The following GFM2 variants were observed in gnomAD, a reference collection of about 807,000 sequenced individuals.
The protein encoded by GFM2 is ribosome-releasing factor 2, mitochondrial.
GFM2 carries 72 observed loss-of-function variants against 95.4 expected under a neutral mutation model. That is an observed-to-expected ratio of 0.76 (90% CI 0.62 to 0.92). The LOEUF (loss-of-function observed/expected upper bound fraction) is 0.92, where lower values mean the gene tolerates loss of function less well. Ranked by LOEUF, GFM2 falls within the 40% of genes least tolerant of loss-of-function variation. The pLI is 0.00. For synonymous variants in GFM2, 276 were observed against 317.5 expected (o/e 0.87, Z 1.39); for missense variants, 825 against 924.1 (o/e 0.89, Z 1.39).
intron 5 of GFM2, among the ~76,000 whole-genome samples, chr5:74,754,233 T>C (rs923340106): frequency 1.4e-5 from 2 of 146,186 alleles, no homozygotes; most frequent in African/African-American, 5.1e-5. Flanking sequence ...CTGAAACAAA[T>C]CCTCAAAATA....
chr5:74,740,642 G>A (rs1425831373), intron 11 of GFM2, among the ~76,000 whole-genome samples: 2 of 152,120 alleles, frequency 1.3e-5, no homozygotes, highest in African/African-American at 4.8e-5. Context: ...AGCTATTATT[G>A]GTGGGTCAAT....
chr5:74,746,553 C>T (rs1179153723), intron 8 of GFM2, among the ~76,000 whole-genome samples: 1 of 152,214 alleles, frequency 6.6e-6, no homozygotes, highest in Non-Finnish European at 1.5e-5. Context: ...AGGTTTACTA[C>T]CATACAAGGC....
intron 14 of GFM2, among the ~76,000 whole-genome samples, chr5:74,737,739 G>C (rs538975176): frequency 6.6e-6 from 1 of 152,232 alleles, no homozygotes; most frequent in Admixed American, 6.5e-5. Flanking sequence ...GAAAATATTT[G>C]ATTTAATCCA....
chr5:74,740,658 TTTAGA>T (rs1743065272), intron 11 of GFM2, among the ~76,000 whole-genome samples: 1 of 152,304 alleles, frequency 6.6e-6, no homozygotes, highest in Non-Finnish European at 1.5e-5. Flanking sequence ...TCAATTCTAC[TTTAGA>T]TTGTGAGCTC....
chr5:74,767,056 C>T lies in GFM2; in HGVS notation c.-143G>A, dbSNP rs11556477. On this transcript the variant is annotated 5_prime_UTR_variant, in exon 1 of 21. Coordinates refer to ENST00000296805, the MANE Select transcript of GFM2 (RefSeq NM_032380.5). Reference sequence around the variant, plus strand: ...TCTCGACGCCAGCCTAGGCAAAAGGCAATGTATCTAAACGAAAAGAAAATA... The same window carrying T: ...TCTCGACGCCAGCCTAGGCAAAAGGTAATGTATCTAAACGAAAAGAAAATA... 0.078 allele frequency: 28,962 copies of T among 370,706 alleles called. 1,533 individuals carry two copies. Among genetic ancestry groups the T allele is most frequent in the Admixed American group, 0.16 (4,030 of 24,642 alleles). 23.0% of individuals were successfully genotyped at this position (370,706 alleles called of 1,614,324 possible).
chr5:74,749,032 C>T (rs1393977611), intron 7 of GFM2, among the ~76,000 whole-genome samples: 1 of 150,364 alleles, frequency 6.7e-6, no homozygotes, highest in East Asian at 2.0e-4. Context: ...TTTTTTGAGA[C>T]AGGGTCTCAC....
chr5:74,733,959 A>G (rs1413399798), intron 15 of GFM2, among the ~76,000 whole-genome samples: 2 of 152,186 alleles, frequency 1.3e-5, no homozygotes, highest in Admixed American at 6.5e-5. Flanking sequence ...CAATTAACTG[A>G]TAAGTATACT....
chr5:74,738,902 G>A (rs748448547), intron 12 of GFM2, among the ~76,000 whole-genome samples: 19 of 151,978 alleles, frequency 1.3e-4, no homozygotes, highest in Non-Finnish European at 2.1e-4. Context: ...ATTGCCAAGA[G>A]CTCTCCCCAT....
At chr5:74,723,950 T>C (rs780169741) in intron 19 of GFM2, among the ~76,000 whole-genome samples, 3 of 152,168 alleles carry the variant, frequency 2.0e-5, no homozygotes, top group Non-Finnish European at 2.9e-5. Context: ...TATAATCCTA[T>C]TTGTGTCCTT....
intron 14 of GFM2, 53 bp downstream of exon 14, chr5:74,738,265 T>G: frequency 1.4e-6 from 2 of 1,392,720 alleles, no homozygotes; most frequent in Admixed American, 3.9e-5. Flanking sequence ...GTTGCTTACT[T>G]GTAATTAAAT....
At position 74,738,619 on chromosome 5, in the gene GFM2, C is replaced by G; in HGVS notation, c.1103G>C (p.Cys368Ser). The change falls in exon 13 of 21, where the codon TGT becomes TCT. Residue 368 changes from cysteine to serine, a missense_variant. By Grantham distance (112) the Cys-to-Ser change is moderately radical. Coordinates refer to ENST00000296805, the MANE Select transcript of GFM2 (RefSeq NM_032380.5). ...ATGGAGAACTTTAAATGCCAATGCA[C>G]ATAAGTCATCCTTATACCACTGCCT... ...EFLQWYKDDL[C>S]ALAFKVLHDK... 1.2e-6 allele frequency: 2 copies of G among 1,612,922 alleles called. No homozygotes were observed. Among genetic ancestry groups the G allele is most frequent in the Non-Finnish European group, 1.7e-6 (2 of 1,179,426 alleles).
At chr5:74,749,870 TACC>T (rs1743604916) in intron 7 of GFM2, among the ~76,000 whole-genome samples, 1 of 152,198 alleles carries the variant, frequency 6.6e-6, no homozygotes, top group African/African-American at 2.4e-5. Flanking sequence ...AATTTTTACC[TACC>T]CCAAGGCTGT....
At chr5:74,730,640 C>A (rs910644369) in intron 16 of GFM2, 6 of 312,994 alleles carry the variant, frequency 1.9e-5, no homozygotes, top group African/African-American at 1.1e-4. Flanking sequence ...GTTGAATTAT[C>A]TGCTGGGCAA....
At chr5:74,765,109 G>A (rs1158987090) in intron 1 of GFM2, 1 of 1,254,678 alleles carries the variant, frequency 8.0e-7, no homozygotes, top group Non-Finnish European at 1.0e-6. Flanking sequence ...CTTTTCATTG[G>A]TAACGCCAAA....
Position 74,721,788 on chromosome 5 carries a change from T to C in GFM2, c.2212-5A>G. 6.2e-7 allele frequency: 1 copy of C among 1,600,348 alleles called. No homozygotes were observed. Among genetic ancestry groups the C allele is most frequent in the Non-Finnish European group, 8.5e-7 (1 of 1,176,448 alleles). On this transcript the variant is annotated splice_region_variant and splice_polypyrimidine_tract_variant and intron_variant, in intron 20 of 20. Coordinates refer to ENST00000296805, the MANE Select transcript of GFM2 (RefSeq NM_032380.5). The stretch of plus-strand genomic sequence containing the variant: ...TCGAAGCACAGTTGAATAACCCTAA[T>C]CAAAATAATTTAAGTCATTTATATT...
chr5:74,726,284 G>A (rs1444262012), intron 17 of GFM2, among the ~76,000 whole-genome samples, 158 bp from the exon 18 acceptor site: 1 of 107,946 alleles, frequency 9.3e-6, no homozygotes, highest in East Asian at 2.0e-4. Flanking sequence ...AAAAATCAGA[G>A]TAAAGAGCTC....
intron 7 of GFM2, among the ~76,000 whole-genome samples, chr5:74,748,880 TA>T (rs1208939051): frequency 1.6e-5 from 1 of 61,200 alleles, no homozygotes; most frequent in Admixed American, 1.6e-4. Flanking sequence ...TAAAATAAAA[TA>T]AAATAAAATA....
chr5:74,745,604 T>G, intron 10 of GFM2, 74 bp downstream of exon 10: 1 of 1,276,602 alleles, frequency 7.8e-7, no homozygotes, highest in Non-Finnish European at 1.1e-6. Flanking sequence ...CCCCGAGAGA[T>G]GCTAAAGTAT....
chr5:74,755,018 C>G (rs558588305), intron 5 of GFM2, among the ~76,000 whole-genome samples: 2 of 152,222 alleles, frequency 1.3e-5, no homozygotes, highest in Admixed American at 1.3e-4. Context: ...ATTGCTTGAA[C>G]CCGGGAGGTG....
Sources: gnomAD v4.1 joint callset for allele counts (sites outside exome capture counted in the v4.1 genomes callset) on GRCh38, gnomAD v4.1.1 for gene constraint, MANE v1.5 for transcripts, NCBI Gene and HGNC (gene_info 2026-07-23, HGNC 2026-07-21) for gene names.